PCSK5: variants seen among roughly 807,000 people sequenced by gnomAD.
The protein encoded by PCSK5 is prohormone convertase 5.
A neutral mutation model predicts 233.2 loss-of-function variants in PCSK5; 129 were observed. The ratio of observed to expected loss-of-function variants is 0.55; its 90% CI spans 0.48 to 0.64. The LOEUF is 0.64. PCSK5 is among the 30% of genes least tolerant of loss of function. The pLI is 0.00. For missense variants in PCSK5, 2,076 were observed against 2,430.1 expected (o/e 0.85, Z 3.06); for synonymous variants, 825 against 879.2 (o/e 0.94, Z 1.09).
chr9:76,167,262 G>C (rs1000779489), intron 12 of PCSK5, among the ~76,000 whole-genome samples: 2 of 152,162 alleles, frequency 1.3e-5, no homozygotes, highest in African/African-American at 4.8e-5. Flanking sequence ...GAGAGAATAG[G>C]CTTCATGTCC....
rs1830450237 is a variant in PCSK5 at position 76,362,742 on chromosome 9, G to C, written c.*3820G>C. On this transcript the variant is annotated 3_prime_UTR_variant, in exon 38 of 38. Coordinates refer to ENST00000674117, the MANE Select transcript of PCSK5 (RefSeq NM_001372043.1). ...ATGTTATCTATAGATTCCAGACATT[G>C]TATGGAAGAGCATTGTAAAAATCCC... is the stretch of plus-strand genomic sequence containing the variant. Among the ~76,000 whole-genome samples the C allele has an allele frequency of 6.6e-6, 1 of 152,216 alleles. No individual in the cohort carries two copies. The highest frequency in any genetic ancestry group is 6.5e-5 in the Admixed American group (1 of 15,280).
intron 4 of PCSK5, among the ~76,000 whole-genome samples, chr9:76,025,238 A>C (rs546467131): frequency 6.6e-6 from 1 of 152,272 alleles, no homozygotes; most frequent in South Asian, 2.1e-4. Flanking sequence ...TGAAATTAGG[A>C]ATAATAATAA....
intron 7 of PCSK5, among the ~76,000 whole-genome samples, chr9:76,083,584 A>G (rs1283040666): frequency 6.6e-6 from 1 of 152,222 alleles, no homozygotes; most frequent in Non-Finnish European, 1.5e-5. Context: ...CCAGATGGAA[A>G]CCAAGACATT....
Position 75,908,925 on chromosome 9 carries a change from CTCTATCTCTCTCTCTG to C in PCSK5, c.192+17560_192+17575del, listed in dbSNP as rs1465410844. 3.1e-3 allele frequency among the ~76,000 whole-genome samples: 317 copies of C among 103,844 alleles called. 1 individual carries two copies. The highest frequency in any genetic ancestry group is 3.5e-3 in the Non-Finnish European group (167 of 47,946). 68.1% of individuals were successfully genotyped at this position (103,844 alleles called of 152,430 possible). ...TATCTATCTATCTATCTATCTATCT[CTCTATCTCTCTCTCTG>C]TCTATCTATCTATCTATCTATCTAT... On this transcript the variant is annotated intron_variant, in intron 1 of 37. Coordinates refer to ENST00000674117, the MANE Select transcript of PCSK5 (RefSeq NM_001372043.1).
At chr9:76,330,824 G>A (rs1181021371) in intron 33 of PCSK5, among the ~76,000 whole-genome samples, 1 of 151,974 alleles carries the variant, frequency 6.6e-6, no homozygotes. Flanking sequence ...AAATCTCTGT[G>A]ACTCTCCTTC....
chr9:76,244,194 C>A (rs1826513222), intron 24 of PCSK5, among the ~76,000 whole-genome samples: 1 of 152,090 alleles, frequency 6.6e-6, no homozygotes, highest in Non-Finnish European at 1.5e-5. Flanking sequence ...CCACTGCACT[C>A]CAGCCTGGGC....
chr9:76,312,518 A>C (rs1010674248), intron 30 of PCSK5, among the ~76,000 whole-genome samples: 1 of 152,038 alleles, frequency 6.6e-6, no homozygotes, highest in Non-Finnish European at 1.5e-5. Context: ...TCAAAAAAAA[A>C]AAAAAGCAAA....
At chr9:76,277,243 A>C (rs1423811993) in intron 24 of PCSK5, among the ~76,000 whole-genome samples, 1 of 152,090 alleles carries the variant, frequency 6.6e-6, no homozygotes. Context: ...TAATAATAAT[A>C]ATCTAATTTT....
intron 34 of PCSK5, among the ~76,000 whole-genome samples, chr9:76,333,723 CTGT>C: frequency 6.6e-6 from 1 of 152,274 alleles, no homozygotes; most frequent in Non-Finnish European, 1.5e-5. Context: ...AAATCAAGGG[CTGT>C]AACCTTAGAC....
intron 7 of PCSK5, among the ~76,000 whole-genome samples, chr9:76,091,864 A>G (rs999504685): frequency 6.6e-6 from 1 of 152,064 alleles, no homozygotes; most frequent in African/African-American, 2.4e-5. Flanking sequence ...TTCCTTTACC[A>G]TGCTCGGTTA....
intron 9 of PCSK5, among the ~76,000 whole-genome samples, chr9:76,123,113 G>C (rs1832712119): frequency 6.6e-6 from 1 of 151,830 alleles, no homozygotes; most frequent in Non-Finnish European, 1.5e-5. Context: ...CAAAGTGCTG[G>C]GATTACAGAC....
rs58771228 is a variant in PCSK5 at position 76,034,527 on chromosome 9, T to G, written c.632+7490T>G. 4.9e-3 allele frequency among the ~76,000 whole-genome samples: 740 copies of G among 152,162 alleles called. 7 individuals carry two copies. Among genetic ancestry groups the G allele is most frequent in the African/African-American group, 0.017 (699 of 41,538 alleles). On this transcript the variant is annotated intron_variant, in intron 5 of 37. Coordinates refer to ENST00000674117, the MANE Select transcript of PCSK5 (RefSeq NM_001372043.1). ...CCTCCTCTTCTTCCTCCTCCTCCAT[T>G]CGTCAGGATTTGTGTCATTCCTCTA...
chr9:75,890,425 G>GGAA (rs1231883512), upstream of PCSK5, among the ~76,000 whole-genome samples: 3 of 152,236 alleles, frequency 2.0e-5, no homozygotes, highest in East Asian at 5.8e-4. Context: ...CAGCAGGGAG[G>GGAA]GAAGAGAAGG....
chr9:76,350,896 G>A lies in PCSK5; in HGVS notation c.5035G>A (p.Asp1679Asn), dbSNP rs1366982009. Residue 1679 changes from aspartate to asparagine, a missense_variant, in exon 36 of 38, where the codon GAC becomes AAC. Coordinates refer to ENST00000674117, the MANE Select transcript of PCSK5 (RefSeq NM_001372043.1). ...YHLMGGICTS[D>N]CLVGEYRVGE... The stretch of plus-strand genomic sequence containing the variant: ...CCTCATGGGAGGGATCTGCACCTCG[G>A]ACTGTCTTGTGGGGGAATACAGAGT... 1 of 1,607,986 alleles carries A rather than the reference G, an allele frequency of 6.2e-7. No homozygotes were observed. The highest frequency in any genetic ancestry group is 8.5e-7 in the Non-Finnish European group (1 of 1,175,980).
intron 6 of PCSK5, among the ~76,000 whole-genome samples, chr9:76,070,571 A>G (rs1830448713): frequency 6.6e-6 from 1 of 152,204 alleles, no homozygotes; most frequent in Non-Finnish European, 1.5e-5. Context: ...CCTAATATTT[A>G]TATTTTTGGA....
chr9:76,017,198 C>A (rs377002658), intron 3 of PCSK5, among the ~76,000 whole-genome samples: 121 of 152,272 alleles, frequency 7.9e-4, no homozygotes, highest in Middle Eastern at 3.4e-3. Flanking sequence ...GGCTCCATTT[C>A]CCAGTTCCAG....
chr9:76,112,136 T>C (rs527922871), intron 9 of PCSK5, among the ~76,000 whole-genome samples: 2 of 152,292 alleles, frequency 1.3e-5, no homozygotes, highest in Non-Finnish European at 2.9e-5. Flanking sequence ...CTGCTTCTAA[T>C]TGCAAAGGGT....
At chr9:76,263,102 G>A (rs1481632293) in intron 24 of PCSK5, among the ~76,000 whole-genome samples, 1 of 151,870 alleles carries the variant, frequency 6.6e-6, no homozygotes, top group Non-Finnish European at 1.5e-5. Context: ...CAGTTAGAAT[G>A]GCAATCATTA....
intron 36 of PCSK5, among the ~76,000 whole-genome samples, chr9:76,351,985 C>CCA (rs1830179836): frequency 6.6e-6 from 1 of 151,974 alleles, no homozygotes; most frequent in African/African-American, 2.4e-5. Context: ...GAAAGGGGTC[C>CCA]CAGTCCAGAC....
Sources: gnomAD v4.1 joint callset for allele counts (sites outside exome capture counted in the v4.1 genomes callset) on GRCh38, gnomAD v4.1.1 for gene constraint, MANE v1.5 for transcripts, NCBI Gene and HGNC (gene_info 2026-07-23, HGNC 2026-07-21) for gene names.